The following ZFYVE26 variants were observed in gnomAD, a reference collection of about 807,000 sequenced individuals.
ZFYVE26 encodes zinc finger FYVE-type containing 26.
A neutral mutation model predicts 276.5 loss-of-function variants in ZFYVE26; 181 were observed. That is an observed-to-expected ratio of 0.65 (90% confidence interval 0.58 to 0.74). ZFYVE26 has a LOEUF of 0.74. ZFYVE26 is among the 30% of genes least tolerant of loss of function. The pLI is 0.00. For missense variants in ZFYVE26, 2,821 were observed against 3,097.9 expected (o/e 0.91, Z 2.12); for synonymous variants, 1,129 against 1,203.1 (o/e 0.94, Z 1.27).
chr14:67,790,011 A>G (rs907246722), intron 15 of ZFYVE26, among the ~76,000 whole-genome samples: 2 of 152,262 alleles, frequency 1.3e-5, no homozygotes, highest in African/African-American at 4.8e-5. Context: ...TTCTGGGATA[A>G]TATATAGGAA....
intron 16 of ZFYVE26, among the ~76,000 whole-genome samples, chr14:67,788,321 G>A (rs1423546488): frequency 6.6e-6 from 1 of 152,200 alleles, no homozygotes; most frequent in Non-Finnish European, 1.5e-5. Context: ...CCCGGGAGGT[G>A]GAAGTTGCAG....
rs563752143 is a variant in ZFYVE26 at position 67,808,574 on chromosome 14, G to A, written c.363+626C>T. ...TGAGGGTACAGGGAGAGAAGGGGGT[G>A]AGAAGTAGGTTATTTCCCATACTTA... is the stretch of plus-strand genomic sequence containing the variant. On this transcript the variant is annotated intron_variant, in intron 4 of 41. Coordinates refer to ENST00000347230, the MANE Select transcript of ZFYVE26 (RefSeq NM_015346.4). Among the ~76,000 whole-genome samples, 7 of 152,116 alleles carry A rather than the reference G, an allele frequency of 4.6e-5. No individual in the cohort carries two copies. In the South Asian group the frequency reaches 1.2e-3, roughly 27 times the overall value.
intron 25 of ZFYVE26, among the ~76,000 whole-genome samples, chr14:67,777,021 G>C (rs1443010762): frequency 6.6e-6 from 1 of 152,180 alleles, no homozygotes; most frequent in Non-Finnish European, 1.5e-5. Context: ...ATACATCAAA[G>C]GTAAGAACTT....
At chr14:67,807,313 C>A (rs369310899) in intron 5 of ZFYVE26, 85 bp downstream of exon 5, 14 of 1,581,222 alleles carry the variant, frequency 8.9e-6, no homozygotes, top group South Asian at 5.6e-5. Flanking sequence ...CTGAGCCACA[C>A]GGAAGGCAGC....
intron 40 of ZFYVE26, among the ~76,000 whole-genome samples, chr14:67,752,050 C>T (rs1246235869): frequency 2.0e-5 from 3 of 152,154 alleles, no homozygotes; most frequent in African/African-American, 7.2e-5. Context: ...TGCTGGCCCA[C>T]CCTGACCTCC....
At chr14:67,741,855 T>C (rs778084734), downstream of ZFYVE26, among the ~76,000 whole-genome samples, 1 of 152,176 alleles carries the variant, frequency 6.6e-6, no homozygotes, top group African/African-American at 2.4e-5. Flanking sequence ...TCAATTCCCA[T>C]GACAAAGACT....
At chr14:67,761,638 G>T (rs2038933018) in intron 34 of ZFYVE26, 54 bp from the exon 35 acceptor site, 1 of 1,507,518 alleles carries the variant, frequency 6.6e-7, no homozygotes, top group East Asian at 2.3e-5. Flanking sequence ...TTCTCAGCAG[G>T]CACTGAAAAT....
In ZFYVE26 at chr14:67,785,036, A is replaced by G. The variant is rs762345569; in HGVS notation, c.3523+23T>C. On this transcript the variant is annotated intron_variant, in intron 19 of 41. Transcript: ENST00000347230. ...ACACTTGCAGGTCTGCCATGAATCTATTGCCTCTTTCTTGCTACCTACCAG... is the reference window on the plus strand; with the variant it reads ...ACACTTGCAGGTCTGCCATGAATCTGTTGCCTCTTTCTTGCTACCTACCAG... The G allele has an allele frequency of 5.0e-6, 8 of 1,612,622 alleles. No individual in the cohort carries two copies. In the African/African-American group the frequency reaches 5.3e-5, roughly 11 times the overall value.
intron 13 of ZFYVE26, 62 bp downstream of exon 13, chr14:67,794,109 T>C: frequency 6.5e-7 from 1 of 1,544,360 alleles, no homozygotes; most frequent in South Asian, 1.1e-5. Context: ...CACCATGGTG[T>C]ATGGCAACTC....
intron 25 of ZFYVE26, among the ~76,000 whole-genome samples, chr14:67,776,367 G>C (rs527266611): frequency 1.6e-4 from 24 of 152,178 alleles, no homozygotes; most frequent in Admixed American, 8.5e-4. Context: ...ACTATTTCAG[G>C]CTTCATGGTC....
intron 16 of ZFYVE26, among the ~76,000 whole-genome samples, chr14:67,789,128 T>A (rs1219201956): frequency 1.3e-5 from 2 of 152,198 alleles, no homozygotes; most frequent in Non-Finnish European, 2.9e-5. Flanking sequence ...CACCTATAAT[T>A]CAATAAAGAA....
intron 8 of ZFYVE26, among the ~76,000 whole-genome samples, chr14:67,804,510 G>C (rs1022233047): frequency 2.0e-5 from 3 of 152,052 alleles, no homozygotes; most frequent in Non-Finnish European, 4.4e-5. Context: ...AGATCAGTAG[G>C]GTCTAGAAAG....
In ZFYVE26 at chr14:67,782,971, C is replaced by T. The variant is rs370828455; in HGVS notation, c.4181G>A (p.Trp1394Ter). The change falls in exon 21 of 42, where the codon TGG becomes TAG. Residue 1394 changes from tryptophan to a stop codon, truncating the protein, a stop_gained. Coordinates refer to ENST00000347230, the MANE Select transcript of ZFYVE26 (RefSeq NM_015346.4). LOFTEE classifies it high-confidence loss of function. ...CAGGAGAACGGTAGAAAGACTGGCC[C>T]AACCACAGAGATTCACTGCCAGACT... is the stretch of plus-strand genomic sequence containing the variant. ...GQSLAVNLCG[W>*]ASLSTVLLGL... is the part of the protein sequence containing the mutation. The T allele has an allele frequency of 3.1e-6, 5 of 1,614,088 alleles. No individual in the cohort carries two copies. Among genetic ancestry groups the T allele is most frequent in the Non-Finnish European group, 4.2e-6 (5 of 1,180,056 alleles).
chr14:67,784,230 C>T, intron 20 of ZFYVE26, 104 bp downstream of exon 20: 1 of 957,090 alleles, frequency 1.0e-6, no homozygotes, highest in South Asian at 1.3e-5. Flanking sequence ...GGAAGAAATC[C>T]CCACTCTCTG....
rs779063597 is a variant in ZFYVE26 at position 67,762,256 on chromosome 14, C to A, written c.6316G>T (p.Val2106Leu). ...LNQLNHGSRL[V>L]QDVVEYLEST... ...TCTAGGTACTCAACCACATCCTGCA[C>A]CAGCCTTGAGCCATGATTCAGCTGA... The change falls in exon 34 of 42, where the codon GTG becomes TTG. Residue 2106 changes from valine to leucine, a missense_variant. Val to Leu is a conservative substitution (Grantham distance 32). Coordinates refer to ENST00000347230, the MANE Select transcript of ZFYVE26 (RefSeq NM_015346.4). 2.5e-6 allele frequency: 4 copies of A among 1,614,184 alleles called. No homozygotes were observed. In the South Asian group the frequency reaches 4.4e-5, roughly 18 times the overall value.
chr14:67,792,827 G>A (rs1310144311), intron 14 of ZFYVE26, among the ~76,000 whole-genome samples: 2 of 144,334 alleles, frequency 1.4e-5, no homozygotes, highest in Non-Finnish European at 3.0e-5. Context: ...CAGGAGAATC[G>A]GTTGAACATG....
At chr14:67,772,387 C>T (rs924864997) in intron 27 of ZFYVE26, among the ~76,000 whole-genome samples, 177 bp from the exon 28 acceptor site, 1 of 152,182 alleles carries the variant, frequency 6.6e-6, no homozygotes, top group Admixed American at 6.5e-5. Context: ...TTGTGTGCCT[C>T]CTGATGGATG....
At position 67,771,899 on chromosome 14, in the gene ZFYVE26, CA is replaced by C. The variant is rs2039219100; in HGVS notation, c.5484+147del. On this transcript the variant is annotated intron_variant, in intron 28 of 41. Transcript: ENST00000347230. The stretch of plus-strand genomic sequence containing the variant: ...TCCAGAAAATACATTCTGGTCAGGT[CA>C]AAAATGAACCCAAAGTCTTAGATTT... 1.1e-5 allele frequency: 12 copies of C among 1,093,602 alleles called. 1 individual carries two copies. The South Asian group carries it at 1.7e-4, about 15-fold the overall frequency. The allele number at this position is 1,093,602 out of a possible 1,614,324, so 67.7% of individuals were successfully genotyped here.
intron 27 of ZFYVE26, among the ~76,000 whole-genome samples, chr14:67,772,788 A>G (rs1012107796): frequency 6.6e-6 from 1 of 152,098 alleles, no homozygotes; most frequent in African/African-American, 2.4e-5. Flanking sequence ...GACTCCATCT[A>G]TACAAAAGAA....
Sources: gnomAD v4.1 joint callset for allele counts (sites outside exome capture counted in the v4.1 genomes callset) on GRCh38, gnomAD v4.1.1 for gene constraint, MANE v1.5 for transcripts, NCBI Gene and HGNC (gene_info 2026-07-23, HGNC 2026-07-21) for gene names.